Variants in KDM2B observed in about 807,000 individuals in gnomAD.
KDM2B encodes lysine demethylase 2B, also known as lysine-specific demethylase 2B.
In KDM2B, 26 loss-of-function variants were observed where a neutral mutation model predicts 150.0. The ratio of observed to expected loss-of-function variants is 0.17; its 90% CI spans 0.13 to 0.24. The LOEUF (loss-of-function observed/expected upper bound fraction) is 0.24, where lower values mean the gene tolerates loss of function less well. KDM2B is among the 10% of genes least tolerant of loss of function. KDM2B has a pLI of 1.00. For missense variants in KDM2B, 1,265 were observed against 1,816.9 expected, an observed-to-expected ratio of 0.70 and a Z score of 5.52; for synonymous variants, 734 against 729.5, an observed-to-expected ratio of 1.01 and a Z score of -0.10.
At chr12:121,579,857 CT>C (rs1891818438) in intron 1 of KDM2B, among the ~76,000 whole-genome samples, 1 of 149,986 alleles carries the variant, frequency 6.7e-6, no homozygotes, top group Non-Finnish European at 1.5e-5. Flanking sequence ...AAGCAGCTTG[CT>C]TCCTTTTGCA....
In KDM2B at chr12:121,575,929, T is replaced by C; in HGVS notation, c.272-70A>G. 8.3e-7 allele frequency: 1 copy of C among 1,208,470 alleles called. No individual in the cohort carries two copies. The highest frequency in any genetic ancestry group is 1.2e-6 in the Non-Finnish European group (1 of 812,238). 74.9% of individuals were successfully genotyped at this position (1,208,470 alleles called of 1,614,324 possible). ...GAGCAAATGAACCGGGATCTGTTGG[T>C]TAGGGGAAGAAAACTGATGGACGAA... On this transcript the variant is annotated intron_variant, in intron 2 of 22. Coordinates refer to ENST00000377071, the MANE Select transcript of KDM2B (RefSeq NM_032590.5). This position sits in a 1 kb window ranked among gnomAD's most constrained non-coding sequence, Gnocchi z 4.4.
intron 4 of KDM2B, among the ~76,000 whole-genome samples, chr12:121,561,527 C>A (rs1890338657): frequency 6.6e-6 from 1 of 152,164 alleles, no homozygotes; most frequent in African/African-American, 2.4e-5. Flanking sequence ...CACCATGGCG[C>A]CTGGCCCCTC....
intron 4 of KDM2B, among the ~76,000 whole-genome samples, chr12:121,553,186 G>A (rs570155022): frequency 2.0e-5 from 3 of 151,642 alleles, no homozygotes; most frequent in African/African-American, 4.8e-5. Flanking sequence ...AGCCGAGATC[G>A]CGCCACTGCA....
At chr12:121,439,711 C>T in intron 22 of KDM2B, 146 bp downstream of exon 22, 1 of 663,806 alleles carries the variant, frequency 1.5e-6, no homozygotes, top group South Asian at 1.8e-5. Context: ...GTGTTTCCCC[C>T]CTGGACTGGG....
chr12:121,580,205 T>A, intron 1 of KDM2B: 1 of 1,420,874 alleles, frequency 7.0e-7, no homozygotes, highest in Non-Finnish European at 9.2e-7. Flanking sequence ...CACCAACACT[T>A]AGGCAGATCC....
chr12:121,572,093 G>A (rs531268562), intron 4 of KDM2B, among the ~76,000 whole-genome samples: 1 of 152,292 alleles, frequency 6.6e-6, no homozygotes, highest in East Asian at 1.9e-4. Context: ...AGCTATTCTC[G>A]AGGCTAAGGT....
chr12:121,548,126 G>A (rs1555311066), intron 6 of KDM2B, among the ~76,000 whole-genome samples: 1 of 152,144 alleles, frequency 6.6e-6, no homozygotes, highest in Non-Finnish European at 1.5e-5. Flanking sequence ...ATTAAACCAT[G>A]GTTGGCCAGG....
intron 13 of KDM2B, among the ~76,000 whole-genome samples, chr12:121,447,318 G>A (rs1365693186): frequency 4.0e-5 from 6 of 151,656 alleles, no homozygotes; most frequent in South Asian, 4.2e-4. Context: ...GCACGGTCTC[G>A]ACTCACTGCA....
chr12:121,488,066 A>G (rs1332495590), intron 12 of KDM2B, among the ~76,000 whole-genome samples: 4 of 152,076 alleles, frequency 2.6e-5, no homozygotes, highest in Non-Finnish European at 5.9e-5. Flanking sequence ...TATAGGCGTG[A>G]GCCATCCTAC....
At chr12:121,427,208 ATT>A (rs1555284369), downstream of KDM2B, among the ~76,000 whole-genome samples, 2 of 151,416 alleles carry the variant, frequency 1.3e-5, no homozygotes, top group Non-Finnish European at 3.0e-5. Context: ...TGCTTGTAGC[ATT>A]TAGCCTCGGC....
At chr12:121,579,015 C>G in intron 1 of KDM2B, 69 bp from the exon 2 acceptor site, 1 of 1,532,054 alleles carries the variant, frequency 6.5e-7, no homozygotes, top group Non-Finnish European at 8.9e-7. Context: ...TCAACCTGGG[C>G]CCAGCACTAA....
rs1886716859 is a variant in KDM2B at position 121,521,885 on chromosome 12, G to A, written c.932-785C>T. ...GCACTTTGGGAGGCTGAGGCGGGAA[G>A]ATCGCTTGAGCTCAGCAGTTTGAGA... is the stretch of plus-strand genomic sequence containing the variant. On this transcript the variant is annotated intron_variant, in intron 8 of 22. Coordinates refer to ENST00000377071, the MANE Select transcript of KDM2B (RefSeq NM_032590.5). The surrounding 1 kb of genome is among the most constrained non-coding windows in gnomAD (Gnocchi z 4.9). 6.6e-6 allele frequency among the ~76,000 whole-genome samples: 1 copy of A among 152,138 alleles called. No homozygotes were observed. Among genetic ancestry groups the A allele is most frequent in the South Asian group, 2.1e-4 (1 of 4,834 alleles).
intron 13 of KDM2B, among the ~76,000 whole-genome samples, chr12:121,448,321 A>C (rs1555290794): frequency 4.9e-5 from 3 of 61,642 alleles, no homozygotes; most frequent in Non-Finnish European, 8.3e-5. Context: ...CTCTGTCTCA[A>C]AAAAAAAAAA....
intron 8 of KDM2B, among the ~76,000 whole-genome samples, chr12:121,523,034 G>A (rs1555306179): frequency 1.3e-5 from 2 of 152,238 alleles, no homozygotes; most frequent in African/African-American, 4.8e-5. Flanking sequence ...ACATGTGTGT[G>A]GCTCCTGGCT....
chr12:121,520,239 G>A lies in KDM2B; in HGVS notation c.1047+746C>T, dbSNP rs1247912791. Among the ~76,000 whole-genome samples the A allele has an allele frequency of 2.6e-5, 4 of 152,062 alleles. No homozygotes were observed. Among genetic ancestry groups the A allele is most frequent in the African/African-American group, 9.7e-5 (4 of 41,398 alleles). ...TTTGGGACCTGTCTTATGTGCCTAG[G>A]GACACGTGATCAAGTCCTAGCACGA... On this transcript the variant is annotated intron_variant, in intron 9 of 22. Transcript: ENST00000377071. This position sits in a 1 kb window ranked among gnomAD's most constrained non-coding sequence, Gnocchi z 4.5.
the KDM2B span, among the ~76,000 whole-genome samples, chr12:121,421,012 A>G: frequency 6.6e-6 from 1 of 152,166 alleles, no homozygotes; most frequent in African/African-American, 2.4e-5. Context: ...AAATTATTCA[A>G]TTTGGTTTTT....
chr12:121,580,182 C>T (rs1202440226), intron 1 of KDM2B: 4 of 1,532,594 alleles, frequency 2.6e-6, no homozygotes, highest in Non-Finnish European at 3.5e-6. Flanking sequence ...GAGCCGAGAT[C>T]TACAAAGTTT....
intron 13 of KDM2B, among the ~76,000 whole-genome samples, chr12:121,450,631 G>T (rs142512879): frequency 6.6e-6 from 1 of 152,122 alleles, no homozygotes; most frequent in East Asian, 1.9e-4. Flanking sequence ...AGGCCGAGGC[G>T]GGTGGATCAC....
intron 13 of KDM2B, among the ~76,000 whole-genome samples, chr12:121,450,538 A>G (rs899379162): frequency 3.9e-5 from 6 of 152,124 alleles, no homozygotes; most frequent in East Asian, 1.9e-4. Context: ...AGCCCATAAC[A>G]TAACAGATGT....
Sources: allele counts gnomAD v4.1 joint callset (sites outside exome capture counted in the v4.1 genomes callset), GRCh38; gene constraint gnomAD v4.1.1; non-coding constraint Gnocchi (gnomAD v3.1); transcripts MANE v1.5; gene names NCBI Gene and HGNC (gene_info 2026-07-23, HGNC 2026-07-21).